MINK1: variants seen among roughly 807,000 people sequenced by gnomAD.
The protein encoded by MINK1 is misshapen like kinase 1.
Under a neutral mutation model 178.4 loss-of-function variants are expected in MINK1, and 46 were observed. That is an observed-to-expected ratio of 0.26 (90% confidence interval 0.20 to 0.33). The LOEUF is 0.33. Among genes scored for constraint, MINK1 ranks in the 10% least tolerant of loss-of-function variants. MINK1 has a pLI of 1.00. For synonymous variants in MINK1, 797 were observed against 709.7 expected (o/e 1.12, Z -1.96); for missense variants, 1,366 against 1,814.9 (o/e 0.75, Z 4.49).
At chr17:4,879,000 G>T (rs938044619) in intron 2 of MINK1, among the ~76,000 whole-genome samples, 2 of 152,078 alleles carry the variant, frequency 1.3e-5, no homozygotes, top group Non-Finnish European at 2.9e-5. Context: ...CGGGGAGTAA[G>T]GTGGCCTGAC....
At chr17:4,844,810 T>TC (rs1405174374) in intron 1 of MINK1, among the ~76,000 whole-genome samples, 2 of 152,084 alleles carry the variant, frequency 1.3e-5, no homozygotes, top group Non-Finnish European at 2.9e-5. Context: ...CTGTCTCATT[T>TC]CCCCCCACCC....
intron 1 of MINK1, among the ~76,000 whole-genome samples, chr17:4,875,704 G>A (rs908383816): frequency 6.6e-6 from 1 of 151,936 alleles, no homozygotes; most frequent in African/African-American, 2.4e-5. Flanking sequence ...CCCAGGAGGT[G>A]GAGGTTGCGG....
In MINK1 at chr17:4,891,049, C is replaced by T. The variant is rs962755607; in HGVS notation, c.1665C>T (p.Ser555=). The part of the protein sequence containing the change: ...TGPEPPIPQA[S]PGPPGPLSQT... Reference sequence around the variant, plus strand: ...CTGAGCCCCCCATCCCCCAGGCCTCCCCAGGGCCCCCAGGACCCCTTTCCC... The same window carrying T: ...CTGAGCCCCCCATCCCCCAGGCCTCTCCAGGGCCCCCAGGACCCCTTTCCC... The change falls in exon 15 of 32, where the codon TCC becomes TCT. Residue 555 remains serine, a synonymous_variant. Transcript: ENST00000355280. 2 of 1,554,348 alleles carry T rather than the reference C, an allele frequency of 1.3e-6. No homozygotes were observed. Among genetic ancestry groups the T allele is most frequent in the Non-Finnish European group, 1.7e-6 (2 of 1,149,110 alleles).
rs970312377 is a variant in MINK1, at chr17:4,889,499, G to A, written c.1231-148G>A. 20 of 712,566 alleles carry A rather than the reference G, an allele frequency of 2.8e-5. No homozygotes were observed. In the African/African-American group the frequency reaches 3.4e-4, roughly 12 times the overall value. 44.1% of individuals were successfully genotyped at this position (712,566 alleles called of 1,614,324 possible). A position where few individuals can be genotyped will look rare whatever the true frequency, so the allele number is the denominator to read the frequency against. ...CCAGCCCCGCGGGCCCTTGGGTGGG[G>A]ATGGGTATAGTTGCAGAAACAAGCG... is the stretch of plus-strand genomic sequence containing the variant. On this transcript the variant is annotated intron_variant, in intron 12 of 31. Transcript: ENST00000355280.
intron 1 of MINK1, among the ~76,000 whole-genome samples, chr17:4,852,641 T>C (rs993239818): frequency 2.0e-5 from 3 of 147,880 alleles, no homozygotes; most frequent in African/African-American, 7.6e-5. Context: ...AGCATGAGAA[T>C]TGGCAAGGCT....
In MINK1 at chr17:4,894,941, A is replaced by G; in HGVS notation, c.2918-134A>G. ...AGCACTCTATCCCCCTCTCCCATGC[A>G]CCTCCTCTCCTCCTGTCTTTCTCCT... On this transcript the variant is annotated intron_variant, in intron 24 of 31. Transcript: ENST00000355280. The surrounding 1 kb of genome is among the most constrained non-coding windows in gnomAD (Gnocchi z 4.1). 1.0e-6 allele frequency: 1 copy of G among 979,974 alleles called. No individual in the cohort carries two copies. The highest frequency in any genetic ancestry group is 1.5e-6 in the Non-Finnish European group (1 of 667,052). The allele number at this position is 979,974 out of a possible 1,614,324, so 60.7% of individuals were successfully genotyped here.
intron 2 of MINK1, among the ~76,000 whole-genome samples, chr17:4,879,574 A>T (rs938052073): frequency 4.6e-5 from 7 of 152,186 alleles, no homozygotes; most frequent in Non-Finnish European, 1.0e-4. Context: ...AAAATTACCC[A>T]TGGGCTGGCA....
chr17:4,854,428 G>C (rs1912687564), intron 1 of MINK1, among the ~76,000 whole-genome samples: 1 of 152,220 alleles, frequency 6.6e-6, no homozygotes, highest in Non-Finnish European at 1.5e-5. Flanking sequence ...TTTGAGAGGA[G>C]GAGGGGAATA....
At chr17:4,846,453 A>G (rs1911045614) in intron 1 of MINK1, among the ~76,000 whole-genome samples, 3 of 152,180 alleles carry the variant, frequency 2.0e-5, no homozygotes, top group Admixed American at 2.0e-4. Flanking sequence ...CCAGGTCTGA[A>G]TGGCAGTCAG....
At chr17:4,875,616 T>C in intron 1 of MINK1, 1 of 368,208 alleles carries the variant, frequency 2.7e-6, no homozygotes, top group Non-Finnish European at 5.4e-6. Flanking sequence ...CTACTAAAAA[T>C]ACAAAATTAG....
Position 4,892,479 on chromosome 17 carries a change from C to T in MINK1, c.2165C>T (p.Pro722Leu), listed in dbSNP as rs1413960811. 1.9e-6 allele frequency: 3 copies of T among 1,564,034 alleles called. No homozygotes were observed. The highest frequency in any genetic ancestry group is 2.4e-5 in the East Asian group (1 of 41,666). Residue 722 changes from proline to leucine, a missense_variant, in exon 18 of 32, where the codon CCT (proline) becomes CTT (leucine). Around this residue, in one of 14 missense-constraint regions of MINK1, gnomAD observed 709 missense variants for 692.3 expected, o/e 1.02. Transcript: ENST00000355280. ...ERGTPKPPGP[P>L]AQPPGPPNAS... ...GGCACCCCAAAGCCTCCAGGGCCCC[C>T]TGCTCAGCCCCCTGGCCCGCCCAAC...
At chr17:4,862,062 TC>T (rs1256789921) in intron 1 of MINK1, among the ~76,000 whole-genome samples, 2 of 152,152 alleles carry the variant, frequency 1.3e-5, no homozygotes, top group Non-Finnish European at 2.9e-5. Flanking sequence ...TAGAAATGGC[TC>T]CTGCCCTTAA....
At chr17:4,859,361 C>T (rs1236844890) in intron 1 of MINK1, 22 of 927,570 alleles carry the variant, frequency 2.4e-5, no homozygotes, top group Non-Finnish European at 2.7e-5. Context: ...TACCTGCTTC[C>T]CCTGCAGTTT....
At chr17:4,847,763 C>G (rs557382740) in intron 1 of MINK1, among the ~76,000 whole-genome samples, 3 of 152,198 alleles carry the variant, frequency 2.0e-5, no homozygotes, top group African/African-American at 7.2e-5. Context: ...GGTGGTGTCT[C>G]AGAGCTGGTC....
chr17:4,895,825 C>T lies in MINK1; in HGVS notation c.3357C>T (p.Tyr1119=), dbSNP rs2151074839. The T allele has an allele frequency of 1.2e-6, 2 of 1,613,426 alleles. No homozygotes were observed. Among genetic ancestry groups the T allele is most frequent in the South Asian group, 2.2e-5 (2 of 91,040 alleles). ...GGGACATGGAGGGCTGCGGGCACTA[C>T]CGTGTTGGTGAGGATGTCCCAACAG... ...TVGDMEGCGH[Y]RVVKYERIKF... The change falls in exon 27 of 32, where the codon TAC becomes TAT. Residue 1119 remains tyrosine (Y), a synonymous_variant. Transcript: ENST00000355280. This position sits in a 1 kb window ranked among gnomAD's most constrained non-coding sequence, Gnocchi z 4.3.
Position 4,890,583 on chromosome 17 carries a change from G to A in MINK1, c.1414G>A (p.Glu472Lys). Reference sequence around the variant, plus strand: ...ACGTCTCCAGAGGCAGCTGCAGCAGGAGCATGCCTACCTCAAGTCCCTGCA... The same window carrying A: ...ACGTCTCCAGAGGCAGCTGCAGCAGAAGCATGCCTACCTCAAGTCCCTGCA... Reference protein sequence around the residue: ...SERLQRQLQQEHAYLKSLQQQ... With the variant: ...SERLQRQLQQKHAYLKSLQQQ... Residue 472 changes from glutamate to lysine, a missense_variant, in exon 14 of 32, where the codon GAG becomes AAG. Physicochemically the swap from Glu to Lys is moderately conservative, Grantham distance 56. Coordinates refer to ENST00000355280, the MANE Select transcript of MINK1 (RefSeq NM_153827.5). 1 of 1,573,896 alleles carries A rather than the reference G, an allele frequency of 6.4e-7. No homozygotes were observed. The highest frequency in any genetic ancestry group is 8.6e-7 in the Non-Finnish European group (1 of 1,160,770).
chr17:4,873,593 G>T (rs978601912), intron 1 of MINK1, among the ~76,000 whole-genome samples: 3 of 149,596 alleles, frequency 2.0e-5, no homozygotes, highest in African/African-American at 4.9e-5. Context: ...ACACAGCATG[G>T]TCTTCGCCAC....
At chr17:4,889,544 A>G in intron 12 of MINK1, 103 bp from the exon 13 acceptor site, 1 of 998,830 alleles carries the variant, frequency 1.0e-6, no homozygotes. Flanking sequence ...CTCTCTTACC[A>G]CCCTCCGTGG....
In MINK1 at chr17:4,897,568, C is replaced by G. The variant is rs559627643; in HGVS notation, c.*281C>G. 1.2e-4 allele frequency: 49 copies of G among 401,320 alleles called. No individual in the cohort carries two copies. Among genetic ancestry groups the G allele is most frequent in the Non-Finnish European group, 1.9e-4 (43 of 220,956 alleles). The allele number at this position is 401,320 out of a possible 1,614,324, so 24.9% of individuals were successfully genotyped here. On this transcript the variant is annotated 3_prime_UTR_variant, in exon 32 of 32. Transcript: ENST00000355280. ...AATTGAGTGGGCCTAGCCCCTCCCC[C>G]CTTTTCTCCATTTGAGAGGAGAGTG...
Sources: allele counts gnomAD v4.1 joint callset (sites outside exome capture counted in the v4.1 genomes callset), GRCh38; gene constraint gnomAD v4.1.1; regional missense constraint gnomAD v4.1.1; non-coding constraint Gnocchi (gnomAD v3.1); transcripts MANE v1.5; gene names NCBI Gene and HGNC (gene_info 2026-07-23, HGNC 2026-07-21).